The following UBXN4 variants were observed in gnomAD, a reference collection of about 807,000 sequenced individuals.
UBXN4 encodes the protein UBX domain-containing protein 4.
UBXN4 carries 35 observed loss-of-function variants against 66.2 expected under a neutral mutation model. The observed-to-expected ratio is 0.53, with a 90% confidence interval of 0.40 to 0.70. The LOEUF is 0.70. Among genes scored for constraint, UBXN4 ranks in the 30% least tolerant of loss-of-function variants. The pLI, the probability that UBXN4 is intolerant of heterozygous loss-of-function variation, is 0.00. For missense variants in UBXN4, 533 were observed against 599.8 expected (o/e 0.89, Z 1.16); for synonymous variants, 203 against 204.5 (o/e 0.99, Z 0.06).
At chr2:135,761,575 C>T (rs2077316615) in intron 5 of UBXN4, among the ~76,000 whole-genome samples, 1 of 152,198 alleles carries the variant, frequency 6.6e-6, no homozygotes, top group Non-Finnish European at 1.5e-5. Flanking sequence ...TCATGTTTTA[C>T]ATCTGACCTT....
intron 5 of UBXN4, among the ~76,000 whole-genome samples, chr2:135,757,519 C>G (rs113064802): frequency 2.3e-4 from 35 of 152,278 alleles, no homozygotes; most frequent in African/African-American, 7.9e-4. Flanking sequence ...CTGACAGTTT[C>G]AATATCTAGC....
intron 5 of UBXN4, among the ~76,000 whole-genome samples, chr2:135,758,075 A>ATTTT (rs70973477): frequency 7.9e-5 from 11 of 139,868 alleles, no homozygotes; most frequent in Admixed American, 2.1e-4. Flanking sequence ...CACCTGGCTA[A>ATTTT]TTTTTTTTTT....
chr2:135,755,928 C>T (rs1029569783), intron 5 of UBXN4, among the ~76,000 whole-genome samples: 2 of 152,114 alleles, frequency 1.3e-5, no homozygotes, highest in African/African-American at 4.8e-5. Flanking sequence ...TTTATAATTT[C>T]TGCTATTGCG....
At position 135,784,954 on chromosome 2, in the gene UBXN4, A is replaced by T. The variant is rs1575326755; in HGVS notation, c.*2067A>T. On this transcript the variant is annotated 3_prime_UTR_variant, in exon 13 of 13. Transcript: ENST00000272638. The stretch of plus-strand genomic sequence containing the variant: ...CTCTTACCCCAGTACTATTCTCCAG[A>T]GGTAATCTATTAACAATTTCTTATG... The T allele has an allele frequency of 6.6e-6, 1 of 152,444 alleles. No homozygotes were observed. Among genetic ancestry groups the T allele is most frequent in the Non-Finnish European group, 1.5e-5 (1 of 68,042 alleles). The allele number at this position is 152,444 out of a possible 1,614,324, so 9.4% of individuals were successfully genotyped here.
chr2:135,750,031 A>G (rs527513408), intron 2 of UBXN4, among the ~76,000 whole-genome samples: 6 of 152,202 alleles, frequency 3.9e-5, no homozygotes, highest in Non-Finnish European at 7.3e-5. Flanking sequence ...ATCCTGTCCT[A>G]AGACTACTTC....
At chr2:135,780,441 T>C in intron 12 of UBXN4, 56 bp downstream of exon 12, 2 of 1,563,526 alleles carry the variant, frequency 1.3e-6, no homozygotes, top group Non-Finnish European at 1.8e-6. Context: ...CCAGTATCTT[T>C]TTTAAGTAAA....
intron 5 of UBXN4, among the ~76,000 whole-genome samples, chr2:135,759,471 T>G (rs992001040): frequency 6.6e-6 from 1 of 152,196 alleles, no homozygotes; most frequent in Non-Finnish European, 1.5e-5. Flanking sequence ...TAGTTTTTCC[T>G]ATAGTTTTCC....
intron 5 of UBXN4, among the ~76,000 whole-genome samples, chr2:135,761,517 A>G (rs778213113): frequency 6.6e-6 from 1 of 152,222 alleles, no homozygotes; most frequent in Non-Finnish European, 1.5e-5. Flanking sequence ...GCACTGCTCT[A>G]GAGTGAAGGC....
At chr2:135,768,627 GAT>G (rs1201491324) in intron 6 of UBXN4, among the ~76,000 whole-genome samples, 3 of 142,568 alleles carry the variant, frequency 2.1e-5, no homozygotes, top group Non-Finnish European at 3.1e-5. Context: ...ACGGTGACAT[GAT>G]CTCGGCTCAC....
At chr2:135,748,067 A>T (rs1046766291) in intron 1 of UBXN4, 200 bp from the exon 2 acceptor site, 21 of 450,250 alleles carry the variant, frequency 4.7e-5, no homozygotes, top group African/African-American at 4.1e-4. Context: ...AGTCCAGTGT[A>T]GTTTGTTTTC....
chr2:135,744,977 C>T (rs1317849500), intron 1 of UBXN4, among the ~76,000 whole-genome samples: 1 of 152,132 alleles, frequency 6.6e-6, no homozygotes, highest in African/African-American at 2.4e-5. Context: ...ACATCTGGGA[C>T]CCTAATCACA....
Position 135,782,777 on chromosome 2 carries a change from A to G in UBXN4, c.1417A>G (p.Lys473Glu). 1.9e-6 allele frequency: 3 copies of G among 1,613,972 alleles called. No homozygotes were observed. Among genetic ancestry groups the G allele is most frequent in the Non-Finnish European group, 2.5e-6 (3 of 1,179,938 alleles). ...ACCAGTGAGAAAAAGAGTGCTGGAA[A>G]AACGTGGAGACGACTTTAAAAAGGA... ...REPVRKRVLE[K>E]RGDDFKKEGK... Residue 473 changes from lysine (K) to glutamate (E), a missense_variant, in exon 13 of 13, where the codon AAA becomes GAA. Lys to Glu is a moderately conservative substitution (Grantham distance 56, BLOSUM62 1). Transcript: ENST00000272638.
At chr2:135,754,524 T>C (rs1047824479) in intron 4 of UBXN4, among the ~76,000 whole-genome samples, 13 of 152,112 alleles carry the variant, frequency 8.5e-5, no homozygotes, top group African/African-American at 3.1e-4. Context: ...GGTTTCACCA[T>C]GTTGGCCAGG....
chr2:135,773,037 C>CAAAAA lies in UBXN4; in HGVS notation c.950+507_950+511dup, dbSNP rs78669415. On this transcript the variant is annotated intron_variant, in intron 9 of 12. Coordinates refer to ENST00000272638, the MANE Select transcript of UBXN4 (RefSeq NM_014607.4). ...GGGCGACAGAGCGAGACTCCGTCCC[C>CAAAAA]AAAAAAAAAAAAAAAAAAAAAGAGG... Among the ~76,000 whole-genome samples, 124 of 79,730 alleles carry CAAAAA rather than the reference C, an allele frequency of 1.6e-3. 1 individual carries two copies. The highest frequency in any genetic ancestry group is 2.4e-3 in the African/African-American group (52 of 22,100). 52.3% of individuals were successfully genotyped at this position (79,730 alleles called of 152,430 possible).
intron 7 of UBXN4, among the ~76,000 whole-genome samples, chr2:135,770,179 G>A (rs1266797290): frequency 2.6e-5 from 4 of 152,052 alleles, no homozygotes; most frequent in Non-Finnish European, 5.9e-5. Context: ...CTCCTGTTAA[G>A]CATTCTAGCA....
intron 6 of UBXN4, 90 bp downstream of exon 6, chr2:135,762,001 C>A (rs369987807): frequency 7.6e-7 from 1 of 1,313,374 alleles, no homozygotes; most frequent in South Asian, 1.4e-5. Context: ...TAAAGTTATA[C>A]AAATGAAGTT....
At chr2:135,778,187 A>C (rs1284109596) in intron 10 of UBXN4, among the ~76,000 whole-genome samples, 4 of 148,734 alleles carry the variant, frequency 2.7e-5, no homozygotes, top group East Asian at 1.9e-4. Context: ...AAAAAAAAAA[A>C]ACAAAAAAAA....
chr2:135,782,886 A>AG lies in UBXN4; in HGVS notation c.1527dup. 6.2e-7 allele frequency: 1 copy of AG among 1,611,640 alleles called. No individual in the cohort carries two copies. ...TWNGNSTQQM[*] is the part of the protein sequence containing the mutation. ...AATGGAAATTCCACTCAACAGATGTAGTGTGACAAGTATAATATGTGCAAT... is the reference window on the plus strand; with the variant it reads ...AATGGAAATTCCACTCAACAGATGTAGGTGTGACAAGTATAATATGTGCAAT... Residue 509 remains the stop codon, a frameshift_variant and stop_retained_variant, in exon 13 of 13, where the codon TAG becomes TAGG. Coordinates refer to ENST00000272638, the MANE Select transcript of UBXN4 (RefSeq NM_014607.4). LOFTEE classifies it high-confidence loss of function.
intron 4 of UBXN4, 92 bp from the exon 5 acceptor site, chr2:135,755,425 A>G: frequency 1.1e-6 from 1 of 940,966 alleles, no homozygotes; most frequent in Non-Finnish European, 1.4e-6. Context: ...CTCTTTTTAT[A>G]GAGTATAAAT....
Sources: gnomAD v4.1 joint callset for allele counts (sites outside exome capture counted in the v4.1 genomes callset) on GRCh38, gnomAD v4.1.1 for gene constraint, MANE v1.5 for transcripts, NCBI Gene and HGNC (gene_info 2026-07-23, HGNC 2026-07-21) for gene names.